The following SPAG16 variants were observed in gnomAD, a reference collection of about 807,000 sequenced individuals.
SPAG16 encodes the protein sperm associated antigen 16, also known as sperm-associated antigen 16 protein.
SPAG16 carries 86 observed loss-of-function variants against 80.4 expected under a neutral mutation model. The observed-to-expected ratio is 1.07, with a 90% CI of 0.90 to 1.28. The LOEUF (loss-of-function observed/expected upper bound fraction) is 1.28. Ranked by LOEUF, SPAG16 falls within the 50% of genes most tolerant of loss-of-function variation. The pLI is 0.00. For missense variants in SPAG16, 870 were observed against 765.3 expected, an observed-to-expected ratio of 1.14 and a Z score of -1.61; for synonymous variants, 294 against 265.9, an observed-to-expected ratio of 1.11 and a Z score of -1.03.
intron 10 of SPAG16, among the ~76,000 whole-genome samples, chr2:213,592,626 G>T (rs1282824056): frequency 6.6e-6 from 1 of 152,062 alleles, no homozygotes; most frequent in Non-Finnish European, 1.5e-5. Flanking sequence ...AGTTCCTTGG[G>T]GACCTGTGGG....
intron 10 of SPAG16, among the ~76,000 whole-genome samples, chr2:213,843,380 A>G (rs575892073): frequency 6.6e-6 from 1 of 152,300 alleles, no homozygotes; most frequent in Admixed American, 6.5e-5. Flanking sequence ...GTTATTCACA[A>G]CTTTCTACAA....
At chr2:213,761,210 C>A (rs2433721) in intron 10 of SPAG16, among the ~76,000 whole-genome samples, 62,959 of 151,838 alleles carry the variant, frequency 0.41, 13,496 homozygotes, top group East Asian at 0.6. Context: ...AAGGGAAATT[C>A]GAAAATACTT....
chr2:214,028,412 G>A (rs1414580458), intron 13 of SPAG16, among the ~76,000 whole-genome samples: 1 of 152,030 alleles, frequency 6.6e-6, no homozygotes, highest in African/African-American at 2.4e-5. Flanking sequence ...GCAAAGCTAT[G>A]GCTTGACTGA....
chr2:213,353,990 A>G (rs950601925), intron 7 of SPAG16, among the ~76,000 whole-genome samples: 2 of 152,054 alleles, frequency 1.3e-5, no homozygotes, highest in African/African-American at 2.4e-5. Flanking sequence ...TGCTACACCC[A>G]TCGTCATTTA....
chr2:213,927,551 A>G (rs934797684), intron 11 of SPAG16, among the ~76,000 whole-genome samples: 13 of 152,180 alleles, frequency 8.5e-5, no homozygotes, highest in African/African-American at 3.1e-4. Context: ...AGAAATTTAT[A>G]TTTGATATAT....
At chr2:213,919,771 T>C (rs2078126406) in intron 11 of SPAG16, among the ~76,000 whole-genome samples, 1 of 152,106 alleles carries the variant, frequency 6.6e-6, no homozygotes, top group Admixed American at 6.5e-5. Context: ...ATTCTATTTG[T>C]TTTGGGAGGG....
chr2:214,265,879 C>T (rs1387680530), intron 15 of SPAG16, among the ~76,000 whole-genome samples: 1 of 151,892 alleles, frequency 6.6e-6, no homozygotes, highest in African/African-American at 2.4e-5. Flanking sequence ...GCAGTCCCTC[C>T]CAACCAATCA....
intron 15 of SPAG16, among the ~76,000 whole-genome samples, chr2:214,234,472 C>G (rs1688938002): frequency 6.6e-6 from 1 of 152,138 alleles, no homozygotes; most frequent in African/African-American, 2.4e-5. Context: ...ACAATGTCTT[C>G]CACAATTGTT....
At chr2:213,940,955 C>G (rs1310796077) in intron 12 of SPAG16, among the ~76,000 whole-genome samples, 2 of 152,092 alleles carry the variant, frequency 1.3e-5, no homozygotes, top group Admixed American at 1.3e-4. Context: ...TATAATGATT[C>G]TCATTATCTA....
intron 15 of SPAG16, among the ~76,000 whole-genome samples, chr2:214,166,429 G>T (rs1354491557): frequency 6.6e-6 from 1 of 152,106 alleles, no homozygotes; most frequent in Admixed American, 6.6e-5. Flanking sequence ...GGGCTCGGGT[G>T]CACTTGCACA....
rs374192038 is a variant in SPAG16, at chr2:213,380,184, A to G, written c.942+5065A>G. Among the ~76,000 whole-genome samples, 32 of 152,288 alleles carry G rather than the reference A, an allele frequency of 2.1e-4. No individual in the cohort carries two copies. In the East Asian group the frequency reaches 5.0e-3, roughly 24 times the overall value. On this transcript the variant is annotated intron_variant, in intron 9 of 15. Coordinates refer to ENST00000331683, the MANE Select transcript of SPAG16 (RefSeq NM_024532.5). ...CATCTGACCATTTCTCCTTCCATGCAAAGTGCACAACCAGTTGCACTGCTC... is the reference window on the plus strand; with the variant it reads ...CATCTGACCATTTCTCCTTCCATGCGAAGTGCACAACCAGTTGCACTGCTC...
intron 12 of SPAG16, among the ~76,000 whole-genome samples, chr2:213,950,128 A>C (rs1174857660): frequency 6.6e-6 from 1 of 152,206 alleles, no homozygotes; most frequent in Non-Finnish European, 1.5e-5. Flanking sequence ...AACTGTTAAT[A>C]TATTCTAGCT....
intron 14 of SPAG16, among the ~76,000 whole-genome samples, chr2:214,148,745 CA>C (rs1230684960): frequency 4.6e-5 from 7 of 151,802 alleles, no homozygotes; most frequent in Non-Finnish European, 1.0e-4. Context: ...TTTTATGTGT[CA>C]CATATATCAT....
intron 10 of SPAG16, among the ~76,000 whole-genome samples, chr2:213,780,765 A>G (rs4672685): frequency 0.61 from 92,349 of 151,728 alleles, 29,986 homozygotes; most frequent in South Asian, 0.87. Context: ...TTGTTTCCTG[A>G]AACTGCCTGT....
At chr2:213,921,945 G>A (rs1342089213) in intron 11 of SPAG16, among the ~76,000 whole-genome samples, 3 of 152,086 alleles carry the variant, frequency 2.0e-5, no homozygotes, top group Non-Finnish European at 4.4e-5. Context: ...CTCTCTAATT[G>A]CCTTTTACAT....
intron 15 of SPAG16, among the ~76,000 whole-genome samples, chr2:214,287,455 T>A (rs111767335): frequency 6.6e-6 from 1 of 152,200 alleles, no homozygotes; most frequent in Non-Finnish European, 1.5e-5. Context: ...TCCAAAGAGA[T>A]TAAATCTCTT....
intron 15 of SPAG16, among the ~76,000 whole-genome samples, chr2:214,289,545 T>C (rs1356571232): frequency 6.6e-6 from 1 of 152,172 alleles, no homozygotes; most frequent in Non-Finnish European, 1.5e-5. Flanking sequence ...GCAATAAATA[T>C]ATGGATTTAC....
At chr2:213,534,781 C>T (rs758250446) in intron 10 of SPAG16, among the ~76,000 whole-genome samples, 3 of 152,014 alleles carry the variant, frequency 2.0e-5, no homozygotes, top group East Asian at 3.8e-4. Context: ...AATCAACAAA[C>T]GCTACTATTA....
intron 10 of SPAG16, among the ~76,000 whole-genome samples, chr2:213,719,007 C>T (rs1388127979): frequency 6.6e-6 from 1 of 152,196 alleles, no homozygotes; most frequent in African/African-American, 2.4e-5. Flanking sequence ...ATTGTAAATA[C>T]ACCAATCAGC....
Sources: gnomAD v4.1 joint callset for allele counts (sites outside exome capture counted in the v4.1 genomes callset) on GRCh38, gnomAD v4.1.1 for gene constraint, MANE v1.5 for transcripts, NCBI Gene and HGNC (gene_info 2026-07-23, HGNC 2026-07-21) for gene names.